The following PRKG1 variants were observed in gnomAD, a reference collection of about 807,000 sequenced individuals.
PRKG1 encodes protein kinase cGMP-dependent 1, also known as cGMP-dependent protein kinase 1.
Under a neutral mutation model 88.1 loss-of-function variants are expected in PRKG1, and 35 were observed. That is an observed-to-expected ratio of 0.40 (90% CI 0.30 to 0.53). The LOEUF is 0.53. Ranked by LOEUF, PRKG1 falls within the 20% of genes least tolerant of loss-of-function variation. The pLI, the probability that PRKG1 is intolerant of heterozygous loss-of-function variation, is 0.59. For synonymous variants in PRKG1, 303 were observed against 292.5 expected, an observed-to-expected ratio of 1.04 and a Z score of -0.37; for missense variants, 540 against 839.8, an observed-to-expected ratio of 0.64 and a Z score of 4.41.
At chr10:51,875,268 AG>A (rs1841265857) in intron 4 of PRKG1, among the ~76,000 whole-genome samples, 1 of 151,970 alleles carries the variant, frequency 6.6e-6, no homozygotes, top group Non-Finnish European at 1.5e-5. Context: ...TAGACCATAC[AG>A]CTGGTAACTG....
intron 1 of PRKG1, among the ~76,000 whole-genome samples, chr10:51,076,675 T>C (rs1237814067): frequency 6.6e-6 from 1 of 152,220 alleles, no homozygotes; most frequent in African/African-American, 2.4e-5. Flanking sequence ...GGGAATGAGC[T>C]ATACAATGTG....
intron 9 of PRKG1, among the ~76,000 whole-genome samples, chr10:52,199,354 C>T (rs1207912834): frequency 6.6e-6 from 1 of 152,118 alleles, no homozygotes; most frequent in Non-Finnish European, 1.5e-5. Flanking sequence ...AACTCCACAT[C>T]CCCCTGAATC....
At chr10:51,663,559 A>C (rs1840350242) in intron 3 of PRKG1, among the ~76,000 whole-genome samples, 1 of 151,328 alleles carries the variant, frequency 6.6e-6, no homozygotes, top group Non-Finnish European at 1.5e-5. Context: ...GAAAAAAAAA[A>C]CTAAAAAATT....
chr10:51,504,965 C>T (rs1425742592), intron 3 of PRKG1, among the ~76,000 whole-genome samples: 5 of 152,112 alleles, frequency 3.3e-5, no homozygotes, highest in Non-Finnish European at 7.4e-5. Flanking sequence ...CCCTTTATTT[C>T]CTTCTCCTGC....
At chr10:52,017,965 C>T (rs59526930) in intron 5 of PRKG1, among the ~76,000 whole-genome samples, 2,001 of 152,212 alleles carry the variant, frequency 0.013, 44 homozygotes, top group African/African-American at 0.046. Context: ...TACAATTGCA[C>T]TTTTCTCCTA....
intron 3 of PRKG1, among the ~76,000 whole-genome samples, chr10:51,551,288 T>A (rs147157899): frequency 6.6e-6 from 1 of 151,930 alleles, no homozygotes; most frequent in Non-Finnish European, 1.5e-5. Flanking sequence ...GAATTCAAAG[T>A]TTTTCTCTGT....
chr10:51,398,512 A>G (rs1415530373), intron 2 of PRKG1, among the ~76,000 whole-genome samples: 3 of 152,198 alleles, frequency 2.0e-5, no homozygotes, highest in Non-Finnish European at 4.4e-5. Context: ...ACAAAATAAT[A>G]GGTGTCTAGT....
intron 12 of PRKG1, 83 bp from the exon 13 acceptor site, chr10:52,280,706 A>G: frequency 6.9e-7 from 1 of 1,455,758 alleles, no homozygotes; most frequent in Non-Finnish European, 9.4e-7. Context: ...GCAAAGGAAT[A>G]TAGTGAAATG....
chr10:51,634,060 G>T (rs1839594565), intron 3 of PRKG1, among the ~76,000 whole-genome samples: 1 of 152,120 alleles, frequency 6.6e-6, no homozygotes, highest in Non-Finnish European at 1.5e-5. Flanking sequence ...TTTCTGGATT[G>T]ATGACATATC....
In PRKG1 at chr10:51,032,335, G is replaced by A. The variant is rs545895911; in HGVS notation, c.266+40691G>A. 5.7e-4 allele frequency among the ~76,000 whole-genome samples: 87 copies of A among 151,582 alleles called. 1 individual carries two copies. Among genetic ancestry groups the A allele is most frequent in the Middle Eastern group, 3.4e-3 (1 of 292 alleles). On this transcript the variant is annotated intron_variant, in intron 1 of 17. Transcript: ENST00000401604. ...AAAGGTCTCTTGGCAACTCTCATCT[G>A]CTATTATTATTTCCTCTTTCATCTT...
At chr10:51,528,914 T>A (rs1841948781) in intron 3 of PRKG1, among the ~76,000 whole-genome samples, 1 of 152,028 alleles carries the variant, frequency 6.6e-6, no homozygotes. Context: ...TCCAAACAGG[T>A]CATACCTACT....
chr10:51,816,631 G>C (rs539077325), intron 4 of PRKG1, among the ~76,000 whole-genome samples: 1 of 151,782 alleles, frequency 6.6e-6, no homozygotes, highest in South Asian at 2.1e-4. Flanking sequence ...ACAGAGGAGA[G>C]AGGATTTTTT....
intron 7 of PRKG1, among the ~76,000 whole-genome samples, chr10:52,115,884 C>T (rs1284811661): frequency 6.6e-6 from 1 of 151,916 alleles, no homozygotes. Flanking sequence ...TTTAGATATT[C>T]AGAGAAAAAC....
intron 10 of PRKG1, among the ~76,000 whole-genome samples, chr10:52,254,540 T>C (rs1260879844): frequency 1.3e-5 from 2 of 151,952 alleles, no homozygotes; most frequent in African/African-American, 4.8e-5. Flanking sequence ...AACCCTCCAG[T>C]GGAGTATAAA....
At chr10:52,082,288 G>T (rs1013830046) in intron 7 of PRKG1, among the ~76,000 whole-genome samples, 2 of 152,026 alleles carry the variant, frequency 1.3e-5, no homozygotes, top group African/African-American at 4.8e-5. Flanking sequence ...ATGAGATTTG[G>T]GTGGGGACAC....
chr10:51,344,285 G>A (rs211084), intron 2 of PRKG1, among the ~76,000 whole-genome samples: 28,728 of 151,892 alleles, frequency 0.19, 2,808 homozygotes, highest in African/African-American at 0.24. Context: ...GCTTTTATAC[G>A]ACCAGATCTT....
At chr10:51,755,274 A>G (rs1564634072) in intron 3 of PRKG1, among the ~76,000 whole-genome samples, 1 of 152,204 alleles carries the variant, frequency 6.6e-6, no homozygotes, top group African/African-American at 2.4e-5. Context: ...GGGCAAATCA[A>G]TGCTGATCAA....
At chr10:51,581,684 T>C (rs7093420) in intron 3 of PRKG1, among the ~76,000 whole-genome samples, 139,491 of 150,754 alleles carry the variant, frequency 0.93, 64,617 homozygotes, top group East Asian at 1. Context: ...TTACACAATC[T>C]TGCATGCAAT....
At chr10:52,286,282 T>C (rs1445505924) in intron 14 of PRKG1, among the ~76,000 whole-genome samples, 1 of 152,062 alleles carries the variant, frequency 6.6e-6, no homozygotes, top group East Asian at 1.9e-4. Flanking sequence ...AAAGATAGTA[T>C]ATCAAGAACT....
Sources: gnomAD v4.1 joint callset for allele counts (sites outside exome capture counted in the v4.1 genomes callset) on GRCh38, gnomAD v4.1.1 for gene constraint, MANE v1.5 for transcripts, NCBI Gene and HGNC (gene_info 2026-07-23, HGNC 2026-07-21) for gene names.